The following GALNTL6 variants were observed in gnomAD, a reference collection of about 807,000 sequenced individuals.
GALNTL6 encodes polypeptide N-acetylgalactosaminyltransferase like 6.
A neutral mutation model predicts 73.7 loss-of-function variants in GALNTL6; 46 were observed. That is an observed-to-expected ratio of 0.62 (90% CI 0.49 to 0.80). GALNTL6 has a LOEUF of 0.80. GALNTL6 is among the 30% of genes least tolerant of loss of function. The pLI, the probability that GALNTL6 is intolerant of heterozygous loss-of-function variation, is 0.00. For synonymous variants in GALNTL6, 259 were observed against 263.7 expected, an observed-to-expected ratio of 0.98 and a Z score of 0.17; for missense variants, 604 against 755.0, an observed-to-expected ratio of 0.80 and a Z score of 2.34.
intron 4 of GALNTL6, among the ~76,000 whole-genome samples, chr4:172,331,972 T>C (rs1218976478): frequency 6.6e-6 from 1 of 152,164 alleles, no homozygotes; most frequent in East Asian, 1.9e-4. Flanking sequence ...GGCTGCACCA[T>C]TTTTTATTCC....
chr4:172,647,643 T>G (rs540350144), intron 5 of GALNTL6, among the ~76,000 whole-genome samples: 1 of 152,128 alleles, frequency 6.6e-6, no homozygotes, highest in African/African-American at 2.4e-5. Context: ...CTATTTAACT[T>G]TGCATGGATT....
At chr4:172,578,825 T>C (rs777801249) in intron 5 of GALNTL6, among the ~76,000 whole-genome samples, 9 of 152,208 alleles carry the variant, frequency 5.9e-5, no homozygotes, top group Admixed American at 1.3e-4. Context: ...GGTTATTAGA[T>C]TAGTGACAAA....
chr4:172,514,192 A>G (rs1453412246), intron 5 of GALNTL6, among the ~76,000 whole-genome samples: 1 of 152,160 alleles, frequency 6.6e-6, no homozygotes, highest in Non-Finnish European at 1.5e-5. Context: ...TTTGTCTTCT[A>G]CTATCAGGGT....
chr4:172,600,909 C>A (rs1397911510), intron 5 of GALNTL6, among the ~76,000 whole-genome samples: 1 of 151,826 alleles, frequency 6.6e-6, no homozygotes, highest in East Asian at 1.9e-4. Flanking sequence ...TACATCATAT[C>A]TAGTGTCCAA....
At chr4:172,499,301 G>T (rs1357898737) in intron 5 of GALNTL6, among the ~76,000 whole-genome samples, 3 of 152,174 alleles carry the variant, frequency 2.0e-5, no homozygotes, top group Non-Finnish European at 2.9e-5. Context: ...CTTATAAGAG[G>T]AGACTCAAGA....
At chr4:172,301,196 G>A (rs951787971) in intron 3 of GALNTL6, among the ~76,000 whole-genome samples, 4 of 152,128 alleles carry the variant, frequency 2.6e-5, no homozygotes, top group Non-Finnish European at 4.4e-5. Context: ...CGTAGTTCTT[G>A]TGGCATGGTT....
chr4:172,875,256 G>A (rs1303682056), intron 7 of GALNTL6, among the ~76,000 whole-genome samples: 4 of 152,118 alleles, frequency 2.6e-5, no homozygotes, highest in Non-Finnish European at 2.9e-5. Flanking sequence ...ATTAGAAAAT[G>A]ATTAATAATT....
intron 3 of GALNTL6, among the ~76,000 whole-genome samples, chr4:172,281,830 G>A (rs907063646): frequency 6.6e-6 from 1 of 151,886 alleles, no homozygotes; most frequent in Admixed American, 6.6e-5. Flanking sequence ...GCCATGTAAG[G>A]TAACATATTC....
chr4:172,638,034 C>T (rs1248669526), intron 5 of GALNTL6, among the ~76,000 whole-genome samples: 1 of 152,152 alleles, frequency 6.6e-6, no homozygotes, highest in Non-Finnish European at 1.5e-5. Flanking sequence ...CACTTTCTTT[C>T]TTTAATATAA....
chr4:172,328,740 G>A (rs1741026327), intron 4 of GALNTL6, among the ~76,000 whole-genome samples: 1 of 152,096 alleles, frequency 6.6e-6, no homozygotes, highest in Admixed American at 6.5e-5. Flanking sequence ...CATACTGGGT[G>A]TTCTATCTTT....
chr4:172,296,290 C>T (rs1168696824), intron 3 of GALNTL6, among the ~76,000 whole-genome samples: 3 of 151,976 alleles, frequency 2.0e-5, no homozygotes, highest in Non-Finnish European at 4.4e-5. Context: ...AATGTTAAGC[C>T]AACATTGTAT....
intron 5 of GALNTL6, among the ~76,000 whole-genome samples, chr4:172,429,195 A>ATTTTATTCTATT (rs55787801): frequency 7.5e-6 from 1 of 133,748 alleles, no homozygotes. Context: ...TTTATTTTAT[A>ATTTTATTCTATT]TTATTTTATT....
chr4:172,096,913 C>G (rs1732373388), intron 2 of GALNTL6, among the ~76,000 whole-genome samples: 1 of 152,174 alleles, frequency 6.6e-6, no homozygotes, highest in Non-Finnish European at 1.5e-5. Context: ...GGACCTCTCT[C>G]ACTAAATGCC....
intron 2 of GALNTL6, among the ~76,000 whole-genome samples, chr4:172,057,418 T>C (rs1426213976): frequency 6.6e-6 from 1 of 151,582 alleles, no homozygotes; most frequent in East Asian, 1.9e-4. Flanking sequence ...CCAAGCATTG[T>C]GGTCTCATGC....
intron 7 of GALNTL6, among the ~76,000 whole-genome samples, chr4:172,828,659 AAC>A (rs1742415386): frequency 6.6e-6 from 1 of 152,250 alleles, no homozygotes; most frequent in Non-Finnish European, 1.5e-5. Context: ...CACAATCTAG[AAC>A]AGTTTCTGTG....
At chr4:172,398,816 T>A (rs1320854243) in intron 5 of GALNTL6, among the ~76,000 whole-genome samples, 2 of 152,174 alleles carry the variant, frequency 1.3e-5, no homozygotes. Flanking sequence ...TGATAAGTAT[T>A]TTTTGGAGGT....
intron 5 of GALNTL6, among the ~76,000 whole-genome samples, chr4:172,369,713 G>C (rs1321891372): frequency 6.6e-6 from 1 of 152,190 alleles, no homozygotes; most frequent in Admixed American, 6.5e-5. Flanking sequence ...GCTGGCCCAG[G>C]TGCTAAGCCC....
intron 3 of GALNTL6, among the ~76,000 whole-genome samples, chr4:172,230,208 G>C (rs774376006): frequency 4.6e-5 from 7 of 152,056 alleles, no homozygotes; most frequent in Non-Finnish European, 1.0e-4. Flanking sequence ...CAAGCAGCTG[G>C]GGTTCTAAGG....
In GALNTL6 at chr4:171,961,625, T is replaced by C. The variant is rs72993036; in HGVS notation, c.138+146907T>C. On this transcript the variant is annotated intron_variant, in intron 2 of 12. Coordinates refer to ENST00000506823, the MANE Select transcript of GALNTL6 (RefSeq NM_001034845.3). ...TGGGAAACTGAAGAAATAAATTATGTTTCAAAACTATGGTACACCTGTTAT... is the reference window on the plus strand; with the variant it reads ...TGGGAAACTGAAGAAATAAATTATGCTTCAAAACTATGGTACACCTGTTAT... Among the ~76,000 whole-genome samples, 1,350 of 152,304 alleles carry C rather than the reference T, an allele frequency of 8.9e-3. 23 individuals are homozygous for C. Among genetic ancestry groups the C allele is most frequent in the African/African-American group, 0.031 (1,278 of 41,552 alleles).
Sources: allele counts gnomAD v4.1 joint callset (sites outside exome capture counted in the v4.1 genomes callset), GRCh38; gene constraint gnomAD v4.1.1; transcripts MANE v1.5; gene names NCBI Gene and HGNC (gene_info 2026-07-23, HGNC 2026-07-21).